Variants in RICTOR observed in about 807,000 individuals in gnomAD.
The protein encoded by RICTOR is RPTOR independent companion of MTOR complex 2.
In RICTOR, 49 loss-of-function variants were observed where a neutral mutation model predicts 214.9. The observed-to-expected ratio is 0.23, with a 90% CI of 0.18 to 0.29. RICTOR has a LOEUF of 0.29. Among genes scored for constraint, RICTOR ranks in the 10% least tolerant of loss-of-function variants. The pLI is 1.00. For synonymous variants in RICTOR, 717 were observed against 711.3 expected (o/e 1.01, Z -0.13); for missense variants, 1,625 against 2,047.0 (o/e 0.79, Z 3.98).
intron 35 of RICTOR, 23 bp from the exon 36 acceptor site, chr5:38,944,592 T>A: frequency 6.4e-7 from 1 of 1,556,968 alleles, no homozygotes; most frequent in Non-Finnish European, 8.7e-7. Context: ...CAGGGAGAAG[T>A]TAAATATTAT....
rs570479643 is a variant in RICTOR at position 38,961,929 on chromosome 5, A to G, written c.1715+386T>C. 4.6e-5 allele frequency among the ~76,000 whole-genome samples: 7 copies of G among 152,214 alleles called. No individual in the cohort carries two copies. In the South Asian group the frequency reaches 1.5e-3, roughly 32 times the overall value. ...TGGAAGGTGTGGTTAAGGAGAATGT[A>G]AACAGCAGTTATAATGGATAACTCC... On this transcript the variant is annotated intron_variant, in intron 19 of 37. Transcript: ENST00000357387.
chr5:38,977,140 G>A (rs1043217626), intron 9 of RICTOR, among the ~76,000 whole-genome samples: 3 of 152,178 alleles, frequency 2.0e-5, no homozygotes, highest in South Asian at 2.1e-4. Context: ...GAATGTGGGA[G>A]GCCTCTAGAA....
chr5:38,943,116 T>C lies in RICTOR; in HGVS notation c.4914-145A>G, dbSNP rs1229205970. 9.9e-6 allele frequency: 5 copies of C among 506,886 alleles called. No homozygotes were observed. The East Asian group carries it at 1.2e-4, about 12-fold the overall frequency. The allele number at this position is 506,886 out of a possible 1,614,324, so 31.4% of individuals were successfully genotyped here. ...GGGGTGATGACTTGAGAATATAAAA[T>C]ATTAAATATTCCTGTCACACACTTA... is the stretch of plus-strand genomic sequence containing the variant. On this transcript the variant is annotated intron_variant, in intron 36 of 37. Coordinates refer to ENST00000357387, the MANE Select transcript of RICTOR (RefSeq NM_152756.5).
chr5:38,991,092 C>A lies in RICTOR; in HGVS notation c.457-17G>T. On this transcript the variant is annotated splice_polypyrimidine_tract_variant and intron_variant, in intron 6 of 37. Transcript: ENST00000357387. Reference sequence around the variant, plus strand: ...AGTAATCATCTGTAACAGAAGGAATCAGAAAAAGAAGTTACTTTAGTAATA... The same window carrying A: ...AGTAATCATCTGTAACAGAAGGAATAAGAAAAAGAAGTTACTTTAGTAATA... 2.6e-6 allele frequency: 4 copies of A among 1,566,192 alleles called. No homozygotes were observed. The highest frequency in any genetic ancestry group is 3.5e-6 in the Non-Finnish European group (4 of 1,152,696).
rs1011460263 is a variant in RICTOR at position 38,940,567 on chromosome 5, C to G, written c.*1737G>C. On this transcript the variant is annotated 3_prime_UTR_variant, in exon 38 of 38. Transcript: ENST00000357387. Reference sequence around the variant, plus strand: ...GATAAAGTATAAAAAAATTATTTATCTTCAACTGGATTTTATGAGAGAAAA... The same window carrying G: ...GATAAAGTATAAAAAAATTATTTATGTTCAACTGGATTTTATGAGAGAAAA... 4.3e-6 allele frequency: 1 copy of G among 232,368 alleles called. No homozygotes were observed. 14.4% of individuals were successfully genotyped at this position (232,368 alleles called of 1,614,324 possible).
In RICTOR at chr5:38,962,499, C is replaced by CT; in HGVS notation, c.1653dup (p.Gly552ArgfsTer5). Reference sequence around the variant, plus strand: ...TCTTTTCATACCTTAAGAATGGTCCCTATAAGATTCCAATTCCATTCAAGA... The same window carrying CT: ...TCTTTTCATACCTTAAGAATGGTCCCTTATAAGATTCCAATTCCATTCAAGA... On this transcript the variant is annotated frameshift_variant, in exon 18 of 38. Coordinates refer to ENST00000357387, the MANE Select transcript of RICTOR (RefSeq NM_152756.5). LOFTEE classifies it high-confidence loss of function. The CT allele has an allele frequency of 6.4e-7, 1 of 1,553,346 alleles. No individual in the cohort carries two copies. The highest frequency in any genetic ancestry group is 8.8e-7 in the Non-Finnish European group (1 of 1,133,866).
Position 38,958,710 on chromosome 5 carries a change from G to A in RICTOR, c.2300C>T (p.Ser767Phe). The A allele has an allele frequency of 6.2e-7, 1 of 1,611,420 alleles. No homozygotes were observed. ...TQLHDKNKTI[S>F]SEALDILDEA... ...ATCGAGGATATCAAGAGCTTCAGAG[G>A]AAATCGTTTTGTTTTTATCATGTAG... Residue 767 changes from serine to phenylalanine, a missense_variant, in exon 23 of 38, where the codon TCC (serine) becomes TTC (phenylalanine). Coordinates refer to ENST00000357387, the MANE Select transcript of RICTOR (RefSeq NM_152756.5).
intron 10 of RICTOR, among the ~76,000 whole-genome samples, chr5:38,973,286 A>G (rs1750937322): frequency 6.6e-6 from 1 of 152,190 alleles, no homozygotes; most frequent in Admixed American, 6.5e-5. Context: ...CCCCCCGACA[A>G]CAAATCAGGA....
At chr5:38,983,354 T>A (rs527918581) in intron 7 of RICTOR, among the ~76,000 whole-genome samples, 6 of 152,360 alleles carry the variant, frequency 3.9e-5, no homozygotes, top group Non-Finnish European at 8.8e-5. Context: ...ATAGTCCTAC[T>A]ACCTAAAATT....
intron 3 of RICTOR, among the ~76,000 whole-genome samples, chr5:39,005,477 T>C (rs1007392871): frequency 6.6e-6 from 1 of 152,212 alleles, no homozygotes. Flanking sequence ...TATTCCCTTC[T>C]TGAATTTCCA....
intron 2 of RICTOR, among the ~76,000 whole-genome samples, chr5:39,053,712 GA>G (rs1176219312): frequency 6.6e-6 from 1 of 151,312 alleles, no homozygotes; most frequent in Non-Finnish European, 1.5e-5. Context: ...CTAACACGGT[GA>G]AACCCCGTCT....
chr5:38,955,160 C>T (rs1289983718), intron 26 of RICTOR, among the ~76,000 whole-genome samples: 1 of 151,890 alleles, frequency 6.6e-6, no homozygotes, highest in African/African-American at 2.4e-5. Context: ...TATAACACTG[C>T]ATAAAATTAT....
At chr5:38,970,192 C>A (rs957186701) in intron 11 of RICTOR, 2 of 152,174 alleles carry the variant, frequency 1.3e-5, no homozygotes, top group African/African-American at 4.8e-5. Flanking sequence ...AGGATGAAAT[C>A]ATCTAACAGT....
chr5:39,008,416 T>C (rs543217381), intron 3 of RICTOR, among the ~76,000 whole-genome samples: 17 of 152,072 alleles, frequency 1.1e-4, no homozygotes, highest in Non-Finnish European at 2.1e-4. Context: ...CTTAGAGAGG[T>C]TAATATGACT....
chr5:39,007,255 T>C (rs1053049055), intron 3 of RICTOR, among the ~76,000 whole-genome samples: 1 of 152,176 alleles, frequency 6.6e-6, no homozygotes, highest in African/African-American at 2.4e-5. Context: ...AAATCTAAGA[T>C]CAAGGTGTTG....
chr5:39,059,901 G>A (rs1294303347), intron 2 of RICTOR, among the ~76,000 whole-genome samples: 1 of 151,906 alleles, frequency 6.6e-6, no homozygotes, highest in African/African-American at 2.4e-5. Flanking sequence ...ATCTCAAAAG[G>A]AGATGAAGAA....
At position 38,987,742 on chromosome 5, in the gene RICTOR, T is replaced by G. The variant is rs1035762626; in HGVS notation, c.583+3207A>C. On this transcript the variant is annotated intron_variant, in intron 7 of 37. Transcript: ENST00000357387. Reference sequence around the variant, plus strand: ...TTGATCTCAGTTATTTCTTGTCTTCTGCTAGCTTTTGAACTTGTTTGCTCT... The same window carrying G: ...TTGATCTCAGTTATTTCTTGTCTTCGGCTAGCTTTTGAACTTGTTTGCTCT... Among the ~76,000 whole-genome samples, 16 of 152,298 alleles carry G rather than the reference T, an allele frequency of 1.1e-4. No homozygotes were observed. The South Asian group carries it at 2.1e-3, about 20-fold the overall frequency.
chr5:38,979,722 C>T (rs182757822), intron 8 of RICTOR, among the ~76,000 whole-genome samples: 1 of 152,286 alleles, frequency 6.6e-6, no homozygotes, highest in East Asian at 1.9e-4. Flanking sequence ...GTGTCATTCA[C>T]AAGGTGCTGA....
At chr5:39,061,619 G>A (rs371674841) in intron 2 of RICTOR, among the ~76,000 whole-genome samples, 26 of 151,414 alleles carry the variant, frequency 1.7e-4, no homozygotes, top group African/African-American at 5.8e-4. Flanking sequence ...ATTTTTTCTC[G>A]GTGGTACTTT....
Sources: allele counts gnomAD v4.1 joint callset (sites outside exome capture counted in the v4.1 genomes callset), GRCh38; gene constraint gnomAD v4.1.1; transcripts MANE v1.5; gene names NCBI Gene and HGNC (gene_info 2026-07-23, HGNC 2026-07-21).